Variants in BABAM2 observed in about 807,000 individuals in gnomAD.
BABAM2 encodes BRISC and BRCA1-A complex member 2.
BABAM2 carries 31 observed loss-of-function variants against 54.7 expected under a neutral mutation model. The observed-to-expected ratio is 0.57, with a 90% confidence interval of 0.43 to 0.77. The LOEUF is 0.77. Ranked by LOEUF, BABAM2 falls within the 30% of genes least tolerant of loss-of-function variation. The pLI is 0.00. For synonymous variants in BABAM2, 167 were observed against 162.9 expected (o/e 1.03, Z -0.19); for missense variants, 364 against 455.8 (o/e 0.80, Z 1.83).
At chr2:28,213,749 C>CT (rs1330412711) in intron 7 of BABAM2, among the ~76,000 whole-genome samples, 1 of 151,948 alleles carries the variant, frequency 6.6e-6, no homozygotes, top group Non-Finnish European at 1.5e-5. Flanking sequence ...TGTAAGCACT[C>CT]TAAGTTTTTA....
intron 8 of BABAM2, among the ~76,000 whole-genome samples, chr2:28,239,291 AT>A (rs1302431595): frequency 6.6e-6 from 1 of 152,214 alleles, no homozygotes; most frequent in African/African-American, 2.4e-5. Flanking sequence ...ATCAGTACCA[AT>A]TGTGTCAAGG....
At chr2:28,136,464 C>G (rs1308479218) in intron 7 of BABAM2, among the ~76,000 whole-genome samples, 1 of 152,258 alleles carries the variant, frequency 6.6e-6, no homozygotes, top group Non-Finnish European at 1.5e-5. Context: ...ACCACAGTCT[C>G]CATTGACAGG....
At chr2:27,912,101 C>T (rs1447478337) in intron 2 of BABAM2, among the ~76,000 whole-genome samples, 1 of 152,152 alleles carries the variant, frequency 6.6e-6, no homozygotes, top group Non-Finnish European at 1.5e-5. Context: ...CAGTCTCCCA[C>T]CTTGGGAAAG....
Position 28,266,405 on chromosome 2 carries a change from G to T in BABAM2, c.934+21543G>T, listed in dbSNP as rs556773380. ...AGTTCTTAACCTCCCCTCCATCTTG[G>T]TCACTGAGTTAATTCAAAGGCTCAG... On this transcript the variant is annotated intron_variant, in intron 10 of 11. Coordinates refer to ENST00000379624, the MANE Select transcript of BABAM2 (RefSeq NM_199191.3). Among the ~76,000 whole-genome samples, 4 of 152,298 alleles carry T rather than the reference G, an allele frequency of 2.6e-5. No homozygotes were observed. The South Asian group carries it at 8.3e-4, about 32-fold the overall frequency.
At chr2:28,024,051 T>C (rs1432729476) in intron 4 of BABAM2, among the ~76,000 whole-genome samples, 1 of 152,182 alleles carries the variant, frequency 6.6e-6, no homozygotes, top group African/African-American at 2.4e-5. Context: ...GCTATACTCA[T>C]GGTTATTTTA....
chr2:28,295,976 G>A (rs1687661194), intron 10 of BABAM2, among the ~76,000 whole-genome samples: 1 of 152,162 alleles, frequency 6.6e-6, no homozygotes, highest in African/African-American at 2.4e-5. Context: ...GAACGTGGTG[G>A]CAGGCGCCTG....
chr2:27,894,577 G>A lies in BABAM2; in HGVS notation c.21G>A (p.Leu7=). Reference sequence around the variant, plus strand: ...TTAAAATGTCCCCAGAAGTGGCCTTGAACCGAATATCTCCAATGCTCTCCC... The same window carrying A: ...TTAAAATGTCCCCAGAAGTGGCCTTAAACCGAATATCTCCAATGCTCTCCC... MSPEVA[L]NRISPMLSPF... is the part of the protein sequence containing the mutation. The change falls in exon 2 of 12, where the codon TTG becomes TTA. Residue 7 remains leucine (L), a synonymous_variant. Coordinates refer to ENST00000379624, the MANE Select transcript of BABAM2 (RefSeq NM_199191.3). 6.2e-7 allele frequency: 1 copy of A among 1,614,066 alleles called. No individual in the cohort carries two copies. Among genetic ancestry groups the A allele is most frequent in the South Asian group, 1.1e-5 (1 of 91,072 alleles).
intron 6 of BABAM2, among the ~76,000 whole-genome samples, chr2:28,096,980 G>A (rs1666686427): frequency 6.6e-6 from 1 of 152,122 alleles, no homozygotes; most frequent in Non-Finnish European, 1.5e-5. Flanking sequence ...GCTTAATCAA[G>A]ACTCTGTTTT....
At chr2:28,273,091 G>A (rs780661503) in intron 10 of BABAM2, among the ~76,000 whole-genome samples, 28 of 152,322 alleles carry the variant, frequency 1.8e-4, no homozygotes, top group Non-Finnish European at 3.5e-4. Flanking sequence ...TCCCTGTTTA[G>A]GGCACAGTTC....
intron 2 of BABAM2, among the ~76,000 whole-genome samples, chr2:27,900,992 G>A (rs1396340907): frequency 1.4e-5 from 2 of 145,034 alleles, no homozygotes; most frequent in Admixed American, 7.0e-5. Flanking sequence ...GCAGTGAGCC[G>A]AGATTGCACC....
At chr2:28,199,830 G>A (rs144182461) in intron 7 of BABAM2, among the ~76,000 whole-genome samples, 240 of 152,262 alleles carry the variant, frequency 1.6e-3, no homozygotes, top group African/African-American at 4.8e-3. Flanking sequence ...GGTATGGAAC[G>A]AAACATCCTG....
intron 2 of BABAM2, among the ~76,000 whole-genome samples, chr2:27,914,383 GTTCT>G (rs1666816830): frequency 6.6e-6 from 1 of 152,304 alleles, no homozygotes; most frequent in Admixed American, 6.5e-5. Flanking sequence ...ATGTTTGATA[GTTCT>G]TTCTTCTGTA....
intron 6 of BABAM2, among the ~76,000 whole-genome samples, chr2:28,106,336 G>T (rs989413872): frequency 2.6e-5 from 4 of 152,028 alleles, no homozygotes; most frequent in Non-Finnish European, 4.4e-5. Context: ...GCCCAGGCTG[G>T]TCTTGAACTC....
intron 7 of BABAM2, among the ~76,000 whole-genome samples, chr2:28,139,905 C>A (rs947246512): frequency 2.6e-4 from 39 of 152,174 alleles, no homozygotes; most frequent in African/African-American, 9.4e-4. Flanking sequence ...TCTCCTTTTT[C>A]CCCACTTCAG....
chr2:27,954,107 G>A (rs1669927838), intron 3 of BABAM2, among the ~76,000 whole-genome samples: 1 of 152,152 alleles, frequency 6.6e-6, no homozygotes, highest in South Asian at 2.1e-4. Context: ...AGTTTGTGGG[G>A]TTGCATTCAG....
At chr2:28,239,230 C>T (rs1380673626) in intron 8 of BABAM2, among the ~76,000 whole-genome samples, 1 of 152,202 alleles carries the variant, frequency 6.6e-6, no homozygotes, top group Non-Finnish European at 1.5e-5. Flanking sequence ...TTGACATAAA[C>T]CCCTATTATA....
rs1011725671 is a variant in BABAM2, at chr2:28,246,030, T to C, written c.934+1168T>C. Among the ~76,000 whole-genome samples the C allele has an allele frequency of 2.0e-5, 3 of 152,234 alleles. No individual in the cohort carries two copies. The East Asian group carries it at 5.8e-4, about 29-fold the overall frequency. ...AAACCTTATCATGGTAAAATTCATA[T>C]AGAGATGATCGAGCGCAGGCCACAG... On this transcript the variant is annotated intron_variant, in intron 10 of 11. Coordinates refer to ENST00000379624, the MANE Select transcript of BABAM2 (RefSeq NM_199191.3).
chr2:28,043,720 A>G (rs1677322173), intron 5 of BABAM2, among the ~76,000 whole-genome samples: 1 of 152,194 alleles, frequency 6.6e-6, no homozygotes, highest in Non-Finnish European at 1.5e-5. Context: ...AGCTCAGCAT[A>G]ATACCAAAAC....
chr2:28,032,826 T>C (rs994074233), intron 5 of BABAM2, among the ~76,000 whole-genome samples: 2 of 152,162 alleles, frequency 1.3e-5, no homozygotes, highest in African/African-American at 4.8e-5. Flanking sequence ...ATTTTCATTT[T>C]GAAATAATTA....
Sources: allele counts gnomAD v4.1 joint callset (sites outside exome capture counted in the v4.1 genomes callset), GRCh38; gene constraint gnomAD v4.1.1; transcripts MANE v1.5; gene names NCBI Gene and HGNC (gene_info 2026-07-23, HGNC 2026-07-21).